Variants in PDE4D observed in about 807,000 individuals in gnomAD.
PDE4D encodes the protein 3',5'-cyclic-AMP phosphodiesterase 4D.
In PDE4D, 24 loss-of-function variants were observed where a neutral mutation model predicts 87.4. The ratio of observed to expected loss-of-function variants is 0.27; its 90% CI spans 0.20 to 0.39. The LOEUF (loss-of-function observed/expected upper bound fraction) is 0.39, where lower values mean the gene tolerates loss of function less well. Ranked by LOEUF, PDE4D falls within the 10% of genes least tolerant of loss-of-function variation. The pLI is 1.00. For missense variants in PDE4D, 714 were observed against 1,041.0 expected, an observed-to-expected ratio of 0.69 and a Z score of 4.32; for synonymous variants, 384 against 383.2, an observed-to-expected ratio of 1.00 and a Z score of -0.02.
At chr5:60,005,004 C>T (rs1242251902) in intron 2 of PDE4D, among the ~76,000 whole-genome samples, 3 of 152,096 alleles carry the variant, frequency 2.0e-5, no homozygotes, top group South Asian at 2.1e-4. Context: ...TCTGCACTGT[C>T]GTCTTCATTG....
intron 1 of PDE4D, among the ~76,000 whole-genome samples, chr5:59,860,701 T>C (rs1392466549): frequency 2.0e-5 from 3 of 152,096 alleles, no homozygotes; most frequent in Admixed American, 1.3e-4. Flanking sequence ...ATAAACATAA[T>C]TGCAAATAAA....
At chr5:60,028,461 G>A (rs76221520) in intron 2 of PDE4D, among the ~76,000 whole-genome samples, 14 of 152,150 alleles carry the variant, frequency 9.2e-5, no homozygotes, top group Non-Finnish European at 1.8e-4. Flanking sequence ...CTAAACTATT[G>A]TGAAATTTTT....
chr5:60,088,026 C>T (rs950656094), intron 2 of PDE4D, among the ~76,000 whole-genome samples: 1 of 152,164 alleles, frequency 6.6e-6, no homozygotes, highest in East Asian at 1.9e-4. Context: ...TTACATTCAA[C>T]TGATCTCTAA....
intron 2 of PDE4D, among the ~76,000 whole-genome samples, chr5:60,085,339 T>C (rs1410416974): frequency 6.6e-6 from 1 of 152,212 alleles, no homozygotes; most frequent in African/African-American, 2.4e-5. Flanking sequence ...TAGACTCATG[T>C]CCTTTCAGAA....
intron 5 of PDE4D, among the ~76,000 whole-genome samples, chr5:59,101,513 A>G (rs1426098276): frequency 1.3e-5 from 2 of 152,186 alleles, no homozygotes; most frequent in African/African-American, 2.4e-5. Flanking sequence ...AAAAACCCCT[A>G]GCAGGTTTTC....
intron 1 of PDE4D, among the ~76,000 whole-genome samples, chr5:59,517,985 T>G (rs147793293): frequency 1.3e-5 from 2 of 152,170 alleles, no homozygotes; most frequent in Non-Finnish European, 2.9e-5. Context: ...TTAAATCAAT[T>G]AATTATTTGT....
chr5:59,192,079 A>G (rs1173283157), intron 3 of PDE4D, among the ~76,000 whole-genome samples: 6 of 152,180 alleles, frequency 3.9e-5, no homozygotes, highest in Non-Finnish European at 7.4e-5. Context: ...AATTGCCTGC[A>G]TTAATTTAAA....
intron 1 of PDE4D, among the ~76,000 whole-genome samples, chr5:59,475,364 T>C: frequency 6.6e-6 from 1 of 152,236 alleles, no homozygotes; most frequent in East Asian, 1.9e-4. Flanking sequence ...ACCATGGTTA[T>C]ATATTAACCC....
At position 59,376,754 on chromosome 5, in the gene PDE4D, T is replaced by C. The variant is rs368821042; in HGVS notation, c.456-160786A>G. Reference sequence around the variant, plus strand: ...CAATCCTCAGCAAAAAGAACAAAGCTAGAGGCATCATGCCACCCAACTTCA... The same window carrying C: ...CAATCCTCAGCAAAAAGAACAAAGCCAGAGGCATCATGCCACCCAACTTCA... On this transcript the variant is annotated intron_variant, in intron 1 of 14. Coordinates refer to ENST00000340635, the MANE Select transcript of PDE4D (RefSeq NM_001104631.2). Among the ~76,000 whole-genome samples, 3 of 152,078 alleles carry C rather than the reference T, an allele frequency of 2.0e-5. No individual in the cohort carries two copies. In the East Asian group the frequency reaches 5.8e-4, roughly 29 times the overall value.
intron 6 of PDE4D, among the ~76,000 whole-genome samples, chr5:59,005,214 C>T (rs1461813523): frequency 6.6e-6 from 1 of 152,190 alleles, no homozygotes; most frequent in Non-Finnish European, 1.5e-5. Flanking sequence ...CTAAAATCTG[C>T]AGCCTCTTCT....
At chr5:60,403,439 A>G (rs1406924072) in intron 1 of PDE4D, among the ~76,000 whole-genome samples, 1 of 152,196 alleles carries the variant, frequency 6.6e-6, no homozygotes, top group African/African-American at 2.4e-5. Context: ...CCACCCTTCC[A>G]TCCACCTATC....
intron 1 of PDE4D, among the ~76,000 whole-genome samples, chr5:60,358,418 G>T (rs1026284643): frequency 6.6e-6 from 1 of 152,166 alleles, no homozygotes; most frequent in Non-Finnish European, 1.5e-5. Flanking sequence ...ATCTTGGGTA[G>T]CTGGCAGAGG....
At chr5:59,290,188 T>C (rs977449145) in intron 1 of PDE4D, among the ~76,000 whole-genome samples, 17 of 151,764 alleles carry the variant, frequency 1.1e-4, no homozygotes, top group Admixed American at 9.2e-4. Context: ...TATATGAAAC[T>C]ATAAAAGACT....
chr5:59,868,780 G>T (rs1338908336), intron 1 of PDE4D, among the ~76,000 whole-genome samples: 1 of 152,164 alleles, frequency 6.6e-6, no homozygotes, highest in Non-Finnish European at 1.5e-5. Context: ...AATGTTCTTT[G>T]TGTAATGTAG....
chr5:59,381,002 A>G (rs1247129066), intron 1 of PDE4D, among the ~76,000 whole-genome samples: 1 of 152,170 alleles, frequency 6.6e-6, no homozygotes, highest in Non-Finnish European at 1.5e-5. Context: ...TGTGGCCCCA[A>G]AAGGCTAAAA....
chr5:59,877,510 CA>C (rs1281156129), intron 1 of PDE4D, among the ~76,000 whole-genome samples: 16 of 114,446 alleles, frequency 1.4e-4, no homozygotes, highest in African/African-American at 2.9e-4. Flanking sequence ...AGAAGAAGAA[CA>C]AAAAAAAAGC....
At chr5:60,407,241 A>C (rs1741615299) in intron 1 of PDE4D, among the ~76,000 whole-genome samples, 1 of 152,024 alleles carries the variant, frequency 6.6e-6, no homozygotes, top group South Asian at 2.1e-4. Flanking sequence ...GCTCCCGAGC[A>C]CACTGGAGCT....
chr5:60,392,125 T>C (rs1489806730), intron 1 of PDE4D, among the ~76,000 whole-genome samples: 1 of 152,228 alleles, frequency 6.6e-6, no homozygotes, highest in Non-Finnish European at 1.5e-5. Context: ...AGAACTTTCA[T>C]ACTTCACACA....
intron 1 of PDE4D, among the ~76,000 whole-genome samples, chr5:59,623,147 G>A (rs1830523850): frequency 6.6e-6 from 1 of 152,108 alleles, no homozygotes; most frequent in Non-Finnish European, 1.5e-5. Context: ...CTTCAAAATT[G>A]TCAAAAATAC....
Sources: allele counts gnomAD v4.1 joint callset (sites outside exome capture counted in the v4.1 genomes callset), GRCh38; gene constraint gnomAD v4.1.1; transcripts MANE v1.5; gene names NCBI Gene and HGNC (gene_info 2026-07-23, HGNC 2026-07-21).